GLYR1: variants seen among roughly 807,000 people sequenced by gnomAD.
GLYR1 encodes cytokine-like nuclear factor N-PAC.
A neutral mutation model predicts 72.7 loss-of-function variants in GLYR1; 21 were observed. That is an observed-to-expected ratio of 0.29 (90% CI 0.20 to 0.42). The LOEUF (loss-of-function observed/expected upper bound fraction) is 0.42, where lower values mean the gene tolerates loss of function less well. Ranked by LOEUF, GLYR1 falls within the 10% of genes least tolerant of loss-of-function variation. The probability of loss-of-function intolerance (pLI) is 1.00; values close to 1 mark genes in which losing one functional copy is unlikely to be tolerated. For synonymous variants in GLYR1, 392 were observed against 270.2 expected, an observed-to-expected ratio of 1.45 and a Z score of -4.42; for missense variants, 594 against 712.1, an observed-to-expected ratio of 0.83 and a Z score of 1.89.
chr16:4,832,652 A>C (rs1360370134), intron 4 of GLYR1, 122 bp downstream of exon 4: 1 of 1,157,350 alleles, frequency 8.6e-7, no homozygotes, highest in Non-Finnish European at 1.2e-6. Context: ...GAACTGAAGT[A>C]GCTTTCTCCA....
At chr16:4,806,062 G>T (rs1408518785) in intron 15 of GLYR1, among the ~76,000 whole-genome samples, 1 of 152,192 alleles carries the variant, frequency 6.6e-6, no homozygotes, top group Non-Finnish European at 1.5e-5. Flanking sequence ...AAACACCCAG[G>T]ACACCTATAC....
chr16:4,841,680 A>G (rs2085565981), intron 3 of GLYR1, among the ~76,000 whole-genome samples: 1 of 151,924 alleles, frequency 6.6e-6, no homozygotes, highest in South Asian at 2.1e-4. Flanking sequence ...AACAACAAAA[A>G]ACATAAGGAA....
chr16:4,844,940 G>A (rs377089368), intron 3 of GLYR1, 134 bp downstream of exon 3: 4 of 661,506 alleles, frequency 6.0e-6, no homozygotes, highest in Non-Finnish European at 1.1e-5. Flanking sequence ...TAGGTATGAA[G>A]GCAGAATGAG....
intron 9 of GLYR1, among the ~76,000 whole-genome samples, chr16:4,819,820 C>T (rs563857040): frequency 2.0e-5 from 3 of 152,292 alleles, no homozygotes; most frequent in African/African-American, 4.8e-5. Flanking sequence ...AACCCACCAA[C>T]TTTCTCACCA....
At chr16:4,840,943 T>A (rs1318081713) in intron 3 of GLYR1, among the ~76,000 whole-genome samples, 1 of 152,246 alleles carries the variant, frequency 6.6e-6, no homozygotes, top group Non-Finnish European at 1.5e-5. Flanking sequence ...AGAAGTACTG[T>A]ACATCTTTAC....
rs554365602 is a variant in GLYR1 at position 4,825,492 on chromosome 16, C to T, written c.538-1585G>A. The stretch of plus-strand genomic sequence containing the variant: ...CCTTATCAGAGTGGCTTCACCTGAC[C>T]TCTTTTTATGTTTGCCCATAGAACA... On this transcript the variant is annotated intron_variant, in intron 5 of 15. Coordinates refer to ENST00000321919, the MANE Select transcript of GLYR1 (RefSeq NM_032569.4). 7.1e-4 allele frequency among the ~76,000 whole-genome samples: 108 copies of T among 152,300 alleles called. 2 individuals are homozygous for T. Among genetic ancestry groups the T allele is most frequent in the Middle Eastern group, 3.4e-3 (1 of 294 alleles).
intron 15 of GLYR1, among the ~76,000 whole-genome samples, chr16:4,805,925 G>A (rs2082942470): frequency 6.6e-6 from 1 of 152,158 alleles, no homozygotes; most frequent in African/African-American, 2.4e-5. Flanking sequence ...AGGTTGCAGT[G>A]AGCTGAGATC....
At chr16:4,822,452 G>C (rs1023200864) in intron 7 of GLYR1, among the ~76,000 whole-genome samples, 1 of 150,986 alleles carries the variant, frequency 6.6e-6, no homozygotes. Context: ...GTGCAGCGAC[G>C]CAATCTTGGC....
In GLYR1 at chr16:4,845,166, AG is replaced by A. The variant is rs774124378; in HGVS notation, c.76-14del. On this transcript the variant is annotated splice_polypyrimidine_tract_variant and intron_variant, in intron 2 of 15. Transcript: ENST00000321919. ...GTGGATTAACAATCTGGAGGATAAA[AG>A]GGGGGAAAAAGGTTGGCTGGCAACA... The A allele has an allele frequency of 5.0e-6, 8 of 1,609,174 alleles. No homozygotes were observed. Among genetic ancestry groups the A allele is most frequent in the East Asian group, 2.2e-5 (1 of 44,850 alleles).
chr16:4,822,136 G>C lies in GLYR1; in HGVS notation c.682-539C>G, dbSNP rs553708411. On this transcript the variant is annotated intron_variant, in intron 7 of 15. Coordinates refer to ENST00000321919, the MANE Select transcript of GLYR1 (RefSeq NM_032569.4). ...GAGTCTCGCTCTGTCGCCCAGGCTG[G>C]AGTGCAGTGGCACCATCTCGGCTTG... Among the ~76,000 whole-genome samples, 6 of 140,294 alleles carry C rather than the reference G, an allele frequency of 4.3e-5. No individual in the cohort carries two copies. The South Asian group carries it at 1.2e-3, about 28-fold the overall frequency. 92.0% of individuals were successfully genotyped at this position (140,294 alleles called of 152,430 possible). A position where few individuals can be genotyped will look rare whatever the true frequency, so the allele number is the denominator to read the frequency against.
In GLYR1 at chr16:4,821,346, G is replaced by A. The variant is rs916806752; in HGVS notation, c.806+34C>T. On this transcript the variant is annotated intron_variant, in intron 9 of 15. Coordinates refer to ENST00000321919, the MANE Select transcript of GLYR1 (RefSeq NM_032569.4). ...CTTCTCCCCACCCTCAGCAGAACCA[G>A]AGCCACTGGAGGCCTTTTCATCAAA... is the stretch of plus-strand genomic sequence containing the variant. 7 of 1,608,994 alleles carry A rather than the reference G, an allele frequency of 4.4e-6. No individual in the cohort carries two copies. The African/African-American group carries it at 9.4e-5, about 22-fold the overall frequency.
chr16:4,833,053 T>C (rs2084895751), intron 3 of GLYR1, 141 bp from the exon 4 acceptor site: 1 of 665,040 alleles, frequency 1.5e-6, no homozygotes, highest in Non-Finnish European at 2.4e-6. Flanking sequence ...TTTCAAAACA[T>C]GCTATCAACC....
At chr16:4,813,581 G>A (rs1009016879) in intron 12 of GLYR1, among the ~76,000 whole-genome samples, 156 bp downstream of exon 12, 10 of 152,252 alleles carry the variant, frequency 6.6e-5, no homozygotes. Context: ...CGGTTTGAAG[G>A]TGGAGCACGG....
chr16:4,806,058 C>T (rs181275132), intron 15 of GLYR1, among the ~76,000 whole-genome samples: 5 of 152,220 alleles, frequency 3.3e-5, no homozygotes, highest in East Asian at 1.9e-4. Context: ...GATGAAACAC[C>T]CAGGACACCT....
intron 15 of GLYR1, among the ~76,000 whole-genome samples, chr16:4,807,403 G>A (rs374078336): frequency 8.5e-5 from 13 of 152,076 alleles, no homozygotes; most frequent in African/African-American, 1.7e-4. Context: ...GTCAGCCACC[G>A]TGCCCAGCTG....
At chr16:4,807,871 G>C (rs28747375) in intron 15 of GLYR1, among the ~76,000 whole-genome samples, 1 of 152,236 alleles carries the variant, frequency 6.6e-6, no homozygotes, top group East Asian at 1.9e-4. Flanking sequence ...ACTTGAAATA[G>C]TAATGTAATC....
At chr16:4,834,841 TG>T (rs750690551) in intron 3 of GLYR1, among the ~76,000 whole-genome samples, 2 of 152,042 alleles carry the variant, frequency 1.3e-5, no homozygotes. Flanking sequence ...GGAGGAAAAG[TG>T]GAAGGAGATT....
At chr16:4,838,351 T>A (rs2142034554) in intron 3 of GLYR1, among the ~76,000 whole-genome samples, 1 of 152,260 alleles carries the variant, frequency 6.6e-6, no homozygotes, top group African/African-American at 2.4e-5. Flanking sequence ...GGTCTCTCAG[T>A]TTCCTCATCT....
At chr16:4,807,390 G>A (rs553663199) in intron 15 of GLYR1, among the ~76,000 whole-genome samples, 1 of 152,180 alleles carries the variant, frequency 6.6e-6, no homozygotes, top group South Asian at 2.1e-4. Context: ...TGAGATTATA[G>A]GTGTCAGCCA....
Sources: gnomAD v4.1 joint callset for allele counts (sites outside exome capture counted in the v4.1 genomes callset) on GRCh38, gnomAD v4.1.1 for gene constraint, MANE v1.5 for transcripts, NCBI Gene and HGNC (gene_info 2026-07-23, HGNC 2026-07-21) for gene names.